Variants in TRMT10B observed in about 807,000 individuals in gnomAD.
TRMT10B encodes tRNA methyltransferase 10 homolog B.
TRMT10B carries 33 observed loss-of-function variants against 43.8 expected under a neutral mutation model. The ratio of observed to expected loss-of-function variants is 0.75; its 90% CI spans 0.57 to 1.01. TRMT10B has a LOEUF of 1.01. Among genes scored for constraint, TRMT10B ranks in the 50% least tolerant of loss-of-function variants. The pLI is 0.00. For synonymous variants in TRMT10B, 137 were observed against 130.6 expected (o/e 1.05, Z -0.34); for missense variants, 362 against 369.8 (o/e 0.98, Z 0.17).
chr9:37,756,844 GTGTA>G (rs1440982368), intron 1 of TRMT10B, among the ~76,000 whole-genome samples: 7 of 151,094 alleles, frequency 4.6e-5, no homozygotes, highest in Admixed American at 1.3e-4. Context: ...GTATGTATGT[GTGTA>G]TATATACACA....
upstream of TRMT10B, among the ~76,000 whole-genome samples, chr9:37,753,364 G>C (rs1371160375): frequency 6.6e-6 from 1 of 152,218 alleles, no homozygotes; most frequent in Non-Finnish European, 1.5e-5. Flanking sequence ...AACTCCGCAA[G>C]GGATGGGATA....
At chr9:37,754,331 G>A (rs1437284694) in intron 1 of TRMT10B, among the ~76,000 whole-genome samples, 1 of 152,226 alleles carries the variant, frequency 6.6e-6, no homozygotes, top group East Asian at 1.9e-4. Context: ...GAGTGTCTTA[G>A]GGAAGAGCAT....
At chr9:37,758,504 A>G (rs975259949) in intron 1 of TRMT10B, among the ~76,000 whole-genome samples, 1 of 152,228 alleles carries the variant, frequency 6.6e-6, no homozygotes, top group African/African-American at 2.4e-5. Flanking sequence ...GGCAAAATGT[A>G]AAACCTACCT....
chr9:37,765,146 C>T lies in TRMT10B; in HGVS notation c.420+1393C>T, dbSNP rs190926443. ...TAAGTTTTAAGGTACATGTGCACAA[C>T]GTGCAGGTTTGTTACATAGGTATAC... On this transcript the variant is annotated intron_variant, in intron 4 of 8. Coordinates refer to ENST00000297994, the MANE Select transcript of TRMT10B (RefSeq NM_144964.4). Among the ~76,000 whole-genome samples the T allele has an allele frequency of 1.5e-3, 221 of 152,272 alleles. 2 individuals are homozygous for T. Among genetic ancestry groups the T allele is most frequent in the Admixed American group, 0.011 (170 of 15,300 alleles).
intron 1 of TRMT10B, among the ~76,000 whole-genome samples, chr9:37,756,091 G>A (rs1274943498): frequency 6.6e-6 from 1 of 152,072 alleles, no homozygotes; most frequent in Admixed American, 6.5e-5. Flanking sequence ...TCCCCAACAG[G>A]CCCCGGCATA....
chr9:37,769,036 G>A (rs545347283), intron 5 of TRMT10B, among the ~76,000 whole-genome samples: 6 of 152,130 alleles, frequency 3.9e-5, no homozygotes, highest in East Asian at 1.9e-4. Flanking sequence ...GGCTGGGCAC[G>A]GTGGCTTATT....
At chr9:37,761,330 G>C (rs1002655316) in intron 1 of TRMT10B, among the ~76,000 whole-genome samples, 1 of 152,122 alleles carries the variant, frequency 6.6e-6, no homozygotes, top group Non-Finnish European at 1.5e-5. Flanking sequence ...TAAATAACTT[G>C]GTTATCTGTG....
At chr9:37,777,479 C>A (rs935366159) in intron 8 of TRMT10B, 122 bp from the exon 9 acceptor site, 6 of 779,814 alleles carry the variant, frequency 7.7e-6, no homozygotes, top group African/African-American at 6.9e-5. Flanking sequence ...CCCCGCAAGA[C>A]CTTAGTACCA....
chr9:37,761,812 G>A (rs1346295742), intron 1 of TRMT10B, 91 bp from the exon 2 acceptor site: 1 of 897,226 alleles, frequency 1.1e-6, no homozygotes, highest in Non-Finnish European at 1.7e-6. Context: ...ACTTCTTTCA[G>A]TAACACAATA....
intron 6 of TRMT10B, among the ~76,000 whole-genome samples, 185 bp from the exon 7 acceptor site, chr9:37,770,487 A>C (rs2118874566): frequency 6.6e-6 from 1 of 152,330 alleles, no homozygotes; most frequent in Admixed American, 6.5e-5. Context: ...GTGATTAGCT[A>C]TGCCAACAGT....
rs1323802625 is a variant in TRMT10B, at chr9:37,767,958, C to T, written c.421-118C>T. The T allele has an allele frequency of 8.6e-6, 9 of 1,041,276 alleles. No homozygotes were observed. In the East Asian group the frequency reaches 1.7e-4, roughly 19 times the overall value. 64.5% of individuals were successfully genotyped at this position (1,041,276 alleles called of 1,614,324 possible). On this transcript the variant is annotated intron_variant, in intron 4 of 8. Transcript: ENST00000297994. The stretch of plus-strand genomic sequence containing the variant: ...GGTATAATACACGCACACATGTACT[C>T]CTAGTACATGGGGTTTTCTGGAGTA...
At chr9:37,773,535 C>T (rs7044111) in intron 7 of TRMT10B, among the ~76,000 whole-genome samples, 58,114 of 152,062 alleles carry the variant, frequency 0.38, 11,545 homozygotes, top group African/African-American at 0.49. Context: ...GTTTGAAATA[C>T]TTCAAAGTAA....
rs187017641 is a variant in TRMT10B, at chr9:37,778,527, T to C, written c.*820T>C. On this transcript the variant is annotated 3_prime_UTR_variant, in exon 9 of 9. Transcript: ENST00000297994. ...GAGGGGAAAAAAAAAAAAAATTATG[T>C]AACAAGGAATTAGCCTCAAAACCAC... 6.6e-6 allele frequency: 1 copy of C among 152,168 alleles called. No homozygotes were observed. Among genetic ancestry groups the C allele is most frequent in the East Asian group, 1.9e-4 (1 of 5,188 alleles). The allele number at this position is 152,168 out of a possible 1,614,324, so 9.4% of individuals were successfully genotyped here.
chr9:37,775,014 A>G (rs759796345), intron 7 of TRMT10B, among the ~76,000 whole-genome samples: 1 of 152,234 alleles, frequency 6.6e-6, no homozygotes, highest in Non-Finnish European at 1.5e-5. Flanking sequence ...ATCTTTTGGA[A>G]GGGCCATCTT....
chr9:37,768,684 T>C (rs1827235913), intron 5 of TRMT10B, among the ~76,000 whole-genome samples: 1 of 152,234 alleles, frequency 6.6e-6, no homozygotes, highest in South Asian at 2.1e-4. Context: ...AATGAGTTTC[T>C]CAAATGTCAC....
upstream of TRMT10B, chr9:37,753,804 G>C (rs1337594053): frequency 6.6e-6 from 1 of 152,342 alleles, no homozygotes. Flanking sequence ...CCGGGGGCGG[G>C]GGGGATCCGA....
At chr9:37,764,441 C>A (rs1826767295) in intron 4 of TRMT10B, among the ~76,000 whole-genome samples, 1 of 151,484 alleles carries the variant, frequency 6.6e-6, no homozygotes, top group Admixed American at 6.6e-5. Flanking sequence ...TGTGCCTCAG[C>A]CTCCCACGTA....
At chr9:37,755,293 GTTAGTT>G (rs1825526158) in intron 1 of TRMT10B, among the ~76,000 whole-genome samples, 9 of 101,944 alleles carry the variant, frequency 8.8e-5, no homozygotes, top group African/African-American at 3.1e-4. Context: ...TTTTTTTAAA[GTTAGTT>G]TCACTTTAGG....
intron 1 of TRMT10B, among the ~76,000 whole-genome samples, chr9:37,756,832 GTGTA>G (rs534443224): frequency 7.9e-4 from 120 of 151,588 alleles, no homozygotes; most frequent in South Asian, 1.9e-3. Context: ...GTGTATGCGT[GTGTA>G]TGTATGTGTG....
Sources: allele counts gnomAD v4.1 joint callset (sites outside exome capture counted in the v4.1 genomes callset), GRCh38; gene constraint gnomAD v4.1.1; transcripts MANE v1.5; gene names NCBI Gene and HGNC (gene_info 2026-07-23, HGNC 2026-07-21).